The following APPBP2 variants were observed in gnomAD, a reference collection of about 807,000 sequenced individuals.
APPBP2 encodes amyloid protein-binding protein 2.
In APPBP2, 15 loss-of-function variants were observed where a neutral mutation model predicts 76.0. The ratio of observed to expected loss-of-function variants is 0.20; its 90% CI spans 0.13 to 0.30. The LOEUF (loss-of-function observed/expected upper bound fraction) is 0.30. Ranked by LOEUF, APPBP2 falls within the 10% of genes least tolerant of loss-of-function variation. The pLI is 1.00. For synonymous variants in APPBP2, 222 were observed against 242.2 expected (o/e 0.92, Z 0.77); for missense variants, 401 against 687.2 (o/e 0.58, Z 4.66).
In APPBP2 at chr17:60,452,913, A is replaced by G. The variant is rs189939994; in HGVS notation, c.1339-868T>C. Among the ~76,000 whole-genome samples the G allele has an allele frequency of 3.7e-4, 56 of 152,296 alleles. No individual in the cohort carries two copies. In the East Asian group the frequency reaches 7.7e-3, roughly 21 times the overall value. ...CACACCACTGTACTACGGCCTGGAC[A>G]ACAGAGTAAGAACCCATATTAAAAA... On this transcript the variant is annotated intron_variant, in intron 11 of 12. Transcript: ENST00000083182.
chr17:60,458,638 T>G (rs2090450506), intron 9 of APPBP2, among the ~76,000 whole-genome samples: 1 of 152,148 alleles, frequency 6.6e-6, no homozygotes, highest in Non-Finnish European at 1.5e-5. Flanking sequence ...AGAAAACACA[T>G]GAATGAATGA....
At chr17:60,507,220 T>C (rs1326109052) in intron 1 of APPBP2, among the ~76,000 whole-genome samples, 1 of 130,332 alleles carries the variant, frequency 7.7e-6, no homozygotes, top group African/African-American at 4.7e-5. Flanking sequence ...AATATTTTTC[T>C]TTTTTCTTTT....
intron 9 of APPBP2, chr17:60,459,929 C>T (rs1002891430): frequency 6.6e-6 from 1 of 152,220 alleles, no homozygotes; most frequent in Non-Finnish European, 1.5e-5. Flanking sequence ...ACAGGCCATA[C>T]TTAATCCTTT....
intron 1 of APPBP2, among the ~76,000 whole-genome samples, chr17:60,510,524 C>G (rs887098029): frequency 6.6e-6 from 1 of 151,938 alleles, no homozygotes; most frequent in Non-Finnish European, 1.5e-5. Flanking sequence ...GAGTTTAAGG[C>G]CAGCCTGGAC....
intron 1 of APPBP2, among the ~76,000 whole-genome samples, chr17:60,511,414 G>A (rs947653263): frequency 1.2e-4 from 18 of 151,764 alleles, no homozygotes; most frequent in Non-Finnish European, 2.4e-4. Context: ...GTGAAACCCC[G>A]TCTCTACTAA....
At chr17:60,524,589 A>G (rs2091035241) in intron 1 of APPBP2, among the ~76,000 whole-genome samples, 1 of 144,296 alleles carries the variant, frequency 6.9e-6, no homozygotes, top group South Asian at 2.4e-4. Context: ...AGTAGAACGC[A>G]GCCCATCAAC....
At chr17:60,456,183 C>T (rs2090430103) in intron 10 of APPBP2, 113 bp downstream of exon 10, 9 of 741,872 alleles carry the variant, frequency 1.2e-5, no homozygotes, top group Admixed American at 2.4e-5. Context: ...ACATAGACAC[C>T]GTCAAATCCT....
intron 3 of APPBP2, among the ~76,000 whole-genome samples, chr17:60,491,405 T>C (rs574495462): frequency 4.7e-4 from 71 of 152,082 alleles, no homozygotes; most frequent in Admixed American, 2.8e-3. Flanking sequence ...AAAAGCATTG[T>C]CTCATTTATT....
chr17:60,471,032 G>T (rs1409960767), intron 4 of APPBP2, among the ~76,000 whole-genome samples: 1 of 151,780 alleles, frequency 6.6e-6, no homozygotes, highest in African/African-American at 2.4e-5. Context: ...CCTGACCTCA[G>T]ATGATCTCTC....
At chr17:60,456,884 C>G (rs1310235238) in intron 9 of APPBP2, among the ~76,000 whole-genome samples, 1 of 152,056 alleles carries the variant, frequency 6.6e-6, no homozygotes, top group South Asian at 2.1e-4. Flanking sequence ...GCCTGTAATC[C>G]CAGCACTTTG....
At chr17:60,493,633 C>CTTT (rs150636419) in intron 3 of APPBP2, among the ~76,000 whole-genome samples, 2 of 141,696 alleles carry the variant, frequency 1.4e-5, no homozygotes. Context: ...CATGCCCAGC[C>CTTT]TTTTTTTTTT....
chr17:60,513,804 A>G (rs2090939783), intron 1 of APPBP2, among the ~76,000 whole-genome samples: 1 of 151,904 alleles, frequency 6.6e-6, no homozygotes, highest in South Asian at 2.1e-4. Flanking sequence ...CAGAGGTTGC[A>G]GATGCCACTG....
Position 60,447,733 on chromosome 17 carries a change from A to G in APPBP2, c.1606T>C (p.Tyr536His). 1 of 1,614,146 alleles carries G rather than the reference A, an allele frequency of 6.2e-7. No individual in the cohort carries two copies. The change falls in exon 13 of 13, where the codon TAT becomes CAT. Residue 536 changes from tyrosine to histidine, a missense_variant. Tyr to His is a moderately conservative substitution (Grantham distance 83, BLOSUM62 2). Around this residue, in one of 5 missense-constraint regions of APPBP2, gnomAD observed 56 missense variants for 76.5 expected, o/e 0.73. Transcript: ENST00000083182. ...TTCCAGTTAGACAGAACATTGTGAT[A>G]TTCAAACACTTTCTCGTAATTTCCA... ...SIGNYEKVFEYHNVLSNWNRL... is the reference protein window; with the variant it reads ...SIGNYEKVFEHHNVLSNWNRL...
chr17:60,461,374 C>CA (rs536742229), intron 8 of APPBP2: 298 of 146,014 alleles, frequency 2.0e-3, no homozygotes, highest in Middle Eastern at 3.5e-3. Context: ...AACTGTGTCT[C>CA]AAAAAAAAAA....
rs552553180 is a variant in APPBP2 at position 60,453,839 on chromosome 17, G to A, written c.1338+463C>T. Among the ~76,000 whole-genome samples the A allele has an allele frequency of 6.2e-4, 94 of 151,790 alleles. 1 individual carries two copies. The highest frequency in any genetic ancestry group is 2.1e-3 in the African/African-American group (87 of 41,392). Reference sequence around the variant, plus strand: ...GCATAAGCCACTGTGCCTGGCCCACGGTCCTGATTTTTAAATTTTATTTAT... The same window carrying A: ...GCATAAGCCACTGTGCCTGGCCCACAGTCCTGATTTTTAAATTTTATTTAT... On this transcript the variant is annotated intron_variant, in intron 11 of 12. Transcript: ENST00000083182.
At chr17:60,462,463 A>AT (rs2090482329) in intron 6 of APPBP2, 1 of 162,662 alleles carries the variant, frequency 6.1e-6, no homozygotes, top group Non-Finnish European at 1.3e-5. Flanking sequence ...TCATTTAATA[A>AT]TTTTTAAATG....
Position 60,500,569 on chromosome 17 carries a change from GATTA to G in APPBP2, c.139-86_139-83del. On this transcript the variant is annotated intron_variant, in intron 1 of 12. Transcript: ENST00000083182. ...TAATCATATTTGATAAATGTAATTT[GATTA>G]ATTTCAGGAAAGATGCTTATGTTAA... 3.0e-6 allele frequency: 3 copies of G among 993,244 alleles called. No homozygotes were observed. The South Asian group carries it at 4.5e-5, about 15-fold the overall frequency. 61.5% of individuals were successfully genotyped at this position (993,244 alleles called of 1,614,324 possible). A position where few individuals can be genotyped will look rare whatever the true frequency, so the allele number is the denominator to read the frequency against.
intron 1 of APPBP2, among the ~76,000 whole-genome samples, chr17:60,525,113 GT>G (rs376711617): frequency 6.6e-6 from 1 of 152,140 alleles, no homozygotes; most frequent in Non-Finnish European, 1.5e-5. Flanking sequence ...AATCTAAAGT[GT>G]TTTTTTCTTT....
intron 4 of APPBP2, among the ~76,000 whole-genome samples, chr17:60,468,163 T>C (rs2090525513): frequency 6.6e-6 from 1 of 152,166 alleles, no homozygotes; most frequent in Admixed American, 6.6e-5. Context: ...TTACTTTTAA[T>C]TAATTTAAAC....
Sources: gnomAD v4.1 joint callset for allele counts (sites outside exome capture counted in the v4.1 genomes callset) on GRCh38, gnomAD v4.1.1 for gene constraint, gnomAD v4.1.1 regional missense constraint, MANE v1.5 for transcripts, NCBI Gene and HGNC (gene_info 2026-07-23, HGNC 2026-07-21) for gene names.